CRB1: variants seen among roughly 807,000 people sequenced by gnomAD.
The protein encoded by CRB1 is protein crumbs homolog 1.
Under a neutral mutation model 120.0 loss-of-function variants are expected in CRB1, and 83 were observed. The observed-to-expected ratio is 0.69, with a 90% CI of 0.58 to 0.83. The LOEUF is 0.83. Among genes scored for constraint, CRB1 ranks in the 40% least tolerant of loss-of-function variants. The pLI is 0.00. For synonymous variants in CRB1, 625 were observed against 612.5 expected, an observed-to-expected ratio of 1.02 and a Z score of -0.30; for missense variants, 1,699 against 1,687.6, an observed-to-expected ratio of 1.01 and a Z score of -0.12.
At chr1:197,472,779 C>T (rs1371066453) in intron 11 of CRB1, among the ~76,000 whole-genome samples, 1 of 152,134 alleles carries the variant, frequency 6.6e-6, no homozygotes, top group Admixed American at 6.5e-5. Flanking sequence ...AGAGTGATAA[C>T]CCGAAGCGCC....
chr1:197,350,056 C>T (rs899139160), intron 4 of CRB1, among the ~76,000 whole-genome samples: 2 of 150,308 alleles, frequency 1.3e-5, no homozygotes, highest in Non-Finnish European at 3.0e-5. Flanking sequence ...GCCGAGATTG[C>T]GCCACTGCAG....
At chr1:197,375,448 T>C (rs1661594161) in intron 5 of CRB1, among the ~76,000 whole-genome samples, 1 of 152,080 alleles carries the variant, frequency 6.6e-6, no homozygotes, top group Non-Finnish European at 1.5e-5. Flanking sequence ...GAACCTCATG[T>C]TTCAAAGTTG....
At chr1:197,351,009 G>A (rs770173775) in intron 4 of CRB1, among the ~76,000 whole-genome samples, 6 of 151,728 alleles carry the variant, frequency 4.0e-5, no homozygotes. Flanking sequence ...AGGAGAAGAG[G>A]AAAGAAAGAA....
At chr1:197,357,361 A>G in intron 5 of CRB1, 2 of 339,068 alleles carry the variant, frequency 5.9e-6, no homozygotes, top group Non-Finnish European at 1.1e-5. Context: ...ATGTTATTCA[A>G]ATTTGCTAGA....
intron 5 of CRB1, among the ~76,000 whole-genome samples, chr1:197,415,642 T>G (rs1409235444): frequency 0.096 from 452 of 4,700 alleles, 14 homozygotes; most frequent in African/African-American, 0.27. Context: ...TTTTCTTTTC[T>G]TTTTTTTTTT....
At chr1:197,240,416 G>A in the CRB1 span, among the ~76,000 whole-genome samples, 86 of 152,046 alleles carry the variant, frequency 5.7e-4, no homozygotes, top group Non-Finnish European at 2.2e-4. Flanking sequence ...CCCTCCCTGT[G>A]TCCATGTGTT....
rs2125471325 is a variant in CRB1 at position 197,421,718 on chromosome 1, C to G, written c.1890C>G (p.Phe630Leu). 6.2e-7 allele frequency: 1 copy of G among 1,614,122 alleles called. No individual in the cohort carries two copies. Among genetic ancestry groups the G allele is most frequent in the East Asian group, 2.2e-5 (1 of 44,888 alleles). Reference protein sequence around the residue: ...MTSNGVALLNFYNMPSTPSFV... With the variant: ...MTSNGVALLNLYNMPSTPSFV... ...GCAATGGTGTTGCTCTGCTTAACTT[C>G]TATAATATGCCATCCACACCTTCGT... is the stretch of plus-strand genomic sequence containing the variant. The change falls in exon 6 of 12, where the codon TTC becomes TTG. Residue 630 changes from phenylalanine (F) to leucine (L), a missense_variant. Coordinates refer to ENST00000367400, the MANE Select transcript of CRB1 (RefSeq NM_201253.3).
intron 1 of CRB1, among the ~76,000 whole-genome samples, chr1:197,315,064 A>T (rs1336213087): frequency 1.3e-5 from 2 of 152,198 alleles, no homozygotes; most frequent in Admixed American, 1.3e-4. Flanking sequence ...CCACAGCACA[A>T]AAGCCATTCC....
intron 5 of CRB1, among the ~76,000 whole-genome samples, chr1:197,407,915 G>A (rs1386971098): frequency 2.0e-5 from 3 of 152,126 alleles, no homozygotes; most frequent in Non-Finnish European, 4.4e-5. Flanking sequence ...AAAGACTAAA[G>A]TTGTCTTCCA....
intron 5 of CRB1, among the ~76,000 whole-genome samples, chr1:197,410,943 G>A (rs1663679097): frequency 6.6e-6 from 1 of 152,164 alleles, no homozygotes; most frequent in South Asian, 2.1e-4. Context: ...TCTGCACAGT[G>A]AGCATAAATA....
At chr1:197,416,858 C>T (rs760208412) in intron 5 of CRB1, among the ~76,000 whole-genome samples, 28 of 152,050 alleles carry the variant, frequency 1.8e-4, no homozygotes, top group Non-Finnish European at 3.7e-4. Context: ...TACAGGCACA[C>T]GCCACCACGC....
In CRB1 at chr1:197,421,571, C is replaced by T; in HGVS notation, c.1743C>T (p.Thr581=). The T allele has an allele frequency of 6.2e-7, 1 of 1,614,198 alleles. No individual in the cohort carries two copies. ...EVIFAEAVTL[T]LIDDSCKEKC... ...TATTTGCAGAGGCTGTGACCCTTACCTTAATCGACGACTCCTGTAAGGAGA... is the reference window on the plus strand; with the variant it reads ...TATTTGCAGAGGCTGTGACCCTTACTTTAATCGACGACTCCTGTAAGGAGA... The change falls in exon 6 of 12, where the codon ACC becomes ACT. Residue 581 remains threonine (T), a synonymous_variant. Coordinates refer to ENST00000367400, the MANE Select transcript of CRB1 (RefSeq NM_201253.3).
intron 5 of CRB1, among the ~76,000 whole-genome samples, chr1:197,405,287 G>A (rs909236258): frequency 6.6e-6 from 1 of 152,106 alleles, no homozygotes; most frequent in Non-Finnish European, 1.5e-5. Flanking sequence ...TGTGTTGGCC[G>A]GGCTGGTCTC....
At chr1:197,296,591 C>T (rs894286180) in intron 1 of CRB1, among the ~76,000 whole-genome samples, 9 of 151,966 alleles carry the variant, frequency 5.9e-5, no homozygotes, top group Non-Finnish European at 1.2e-4. Flanking sequence ...CCCATTTATC[C>T]GATATTGGAA....
chr1:197,277,495 A>G (rs944902662), intron 1 of CRB1, among the ~76,000 whole-genome samples: 1 of 152,040 alleles, frequency 6.6e-6, no homozygotes, highest in African/African-American at 2.4e-5. Flanking sequence ...AGATGGTCTC[A>G]AATTTGTAGT....
chr1:197,447,816 T>C (rs917915690), intron 11 of CRB1, among the ~76,000 whole-genome samples: 1 of 145,252 alleles, frequency 6.9e-6, no homozygotes, highest in African/African-American at 2.6e-5. Flanking sequence ...ATGGCACCAC[T>C]GCACTCCAGC....
chr1:197,268,418 A>C lies in CRB1; in HGVS notation c.6A>C (p.Ala2=). 6.2e-7 allele frequency: 1 copy of C among 1,609,570 alleles called. No homozygotes were observed. The highest frequency in any genetic ancestry group is 8.5e-7 in the Non-Finnish European group (1 of 1,175,908). The change falls in exon 1 of 12, where the codon GCA becomes GCC. Residue 2 remains alanine, a synonymous_variant. Transcript: ENST00000367400. The stretch of plus-strand genomic sequence containing the variant: ...GATGTTCTCTAAATAAGACCATGGC[A>C]CTTAAGAACATTAACTACCTTCTCA... M[A]LKNINYLLIF... is the part of the protein sequence containing the mutation.
chr1:197,317,609 G>A (rs1326813157), intron 1 of CRB1, among the ~76,000 whole-genome samples: 1 of 152,062 alleles, frequency 6.6e-6, no homozygotes, highest in East Asian at 1.9e-4. Flanking sequence ...CAAAAGGCTA[G>A]AGTAACCAAA....
chr1:197,247,589 C>G, the CRB1 span, among the ~76,000 whole-genome samples: 66 of 152,164 alleles, frequency 4.3e-4, no homozygotes, highest in Non-Finnish European at 8.2e-4. Context: ...TTCATTTGCA[C>G]TGACAAGGTC....
Sources: allele counts gnomAD v4.1 joint callset (sites outside exome capture counted in the v4.1 genomes callset), GRCh38; gene constraint gnomAD v4.1.1; transcripts MANE v1.5; gene names NCBI Gene and HGNC (gene_info 2026-07-23, HGNC 2026-07-21).